The following TANK variants were observed in gnomAD, a reference collection of about 807,000 sequenced individuals.
TANK encodes the protein TRAF family member-associated NF-kappa-B activator.
Under a neutral mutation model 43.6 loss-of-function variants are expected in TANK, and 15 were observed. The observed-to-expected ratio is 0.34, with a 90% CI of 0.23 to 0.53. The LOEUF is 0.53. TANK is among the 20% of genes least tolerant of loss of function. TANK has a pLI of 0.94. For missense variants in TANK, 417 were observed against 498.6 expected, an observed-to-expected ratio of 0.84 and a Z score of 1.56; for synonymous variants, 162 against 178.2, an observed-to-expected ratio of 0.91 and a Z score of 0.73.
chr2:161,216,588 GCC>G, intron 4 of TANK: 1 of 162,896 alleles, frequency 6.1e-6, no homozygotes, highest in Non-Finnish European at 1.3e-5. Flanking sequence ...TTCTTTCTTG[GCC>G]AAAAAAAAAA....
intron 7 of TANK, among the ~76,000 whole-genome samples, chr2:161,234,002 T>A (rs1009419910): frequency 6.6e-5 from 10 of 152,184 alleles, no homozygotes; most frequent in African/African-American, 2.4e-4. Flanking sequence ...TAAATATTAC[T>A]ATTTTTGTAA....
At chr2:161,193,359 A>G (rs970400314) in intron 2 of TANK, among the ~76,000 whole-genome samples, 2 of 152,194 alleles carry the variant, frequency 1.3e-5, no homozygotes, top group South Asian at 4.1e-4. Flanking sequence ...TGGCCCCTGA[A>G]TTGGTTATTA....
intron 4 of TANK, chr2:161,207,928 G>C: frequency 1.0e-6 from 1 of 966,788 alleles, no homozygotes; most frequent in Non-Finnish European, 1.2e-6. Flanking sequence ...ATGGTCTTCT[G>C]CAAAACTAAC....
intron 4 of TANK, chr2:161,207,895 TATTCTATTTTTA>T: frequency 8.1e-6 from 8 of 984,048 alleles, no homozygotes; most frequent in Non-Finnish European, 7.2e-6. Context: ...GATTCTTTTT[TATTCTATTTTTA>T]ATATACTTTA....
chr2:161,157,354 G>C (rs1252119505), upstream of TANK, among the ~76,000 whole-genome samples: 2 of 152,188 alleles, frequency 1.3e-5, no homozygotes, highest in Non-Finnish European at 2.9e-5. Context: ...GGCTGAAGGA[G>C]GCAAGGCTTT....
intron 1 of TANK, among the ~76,000 whole-genome samples, chr2:161,151,045 G>T (rs1193757401): frequency 6.6e-6 from 1 of 152,090 alleles, no homozygotes; most frequent in Non-Finnish European, 1.5e-5. Flanking sequence ...TGACTCATTG[G>T]TTAAGAATGT....
intron 1 of TANK, among the ~76,000 whole-genome samples, chr2:161,151,800 G>A (rs73971169): frequency 0.068 from 10,324 of 151,920 alleles, 1,159 homozygotes; most frequent in African/African-American, 0.23. Context: ...AAGGTCTTAC[G>A]GCTGCCATTT....
rs75440642 is a variant in TANK, at chr2:161,218,644, C to T, written c.328-5271C>T. ...AGAAATTTGACTCCAGTCTGCTCAA[C>T]GTTGCAAGACCTCCATCTCAAAATA... On this transcript the variant is annotated intron_variant, in intron 4 of 7. Transcript: ENST00000392749. Among the ~76,000 whole-genome samples, 232 of 152,264 alleles carry T rather than the reference C, an allele frequency of 1.5e-3. 3 individuals carry two copies. In the East Asian group the frequency reaches 0.037, roughly 24 times the overall value.
chr2:161,188,763 T>C (rs1300888453), intron 2 of TANK, among the ~76,000 whole-genome samples: 1 of 152,204 alleles, frequency 6.6e-6, no homozygotes, highest in Non-Finnish European at 1.5e-5. Flanking sequence ...ATGGTTTGAA[T>C]GTTTGTCGCC....
chr2:161,181,355 AG>A (rs1685416116), intron 2 of TANK, among the ~76,000 whole-genome samples: 1 of 151,978 alleles, frequency 6.6e-6, no homozygotes, highest in Non-Finnish European at 1.5e-5. Flanking sequence ...AGGAGGCGGA[AG>A]TTGCAGTGAG....
At chr2:161,141,799 A>G (rs1023997695) in intron 1 of TANK, among the ~76,000 whole-genome samples, 1 of 152,316 alleles carries the variant, frequency 6.6e-6, no homozygotes, top group East Asian at 1.9e-4. Flanking sequence ...ATATGTGTGC[A>G]TGTGTCTTTA....
intron 2 of TANK, among the ~76,000 whole-genome samples, chr2:161,187,319 T>A (rs762267102): frequency 4.6e-5 from 7 of 152,082 alleles, no homozygotes; most frequent in Non-Finnish European, 1.0e-4. Flanking sequence ...TAGTCCCAGC[T>A]ACTCAGGAGA....
chr2:161,160,237 C>T, upstream of TANK: 2 of 275,812 alleles, frequency 7.3e-6, no homozygotes, highest in African/African-American at 6.0e-5. Context: ...TTCTAAGAGG[C>T]GGGGACTTGG....
chr2:161,228,247 T>C (rs1377309623), intron 6 of TANK, among the ~76,000 whole-genome samples: 1 of 152,190 alleles, frequency 6.6e-6, no homozygotes, highest in Non-Finnish European at 1.5e-5. Context: ...AAAGTTCATA[T>C]CAGCCCAGGC....
At chr2:161,191,584 A>T (rs1685915919) in intron 2 of TANK, among the ~76,000 whole-genome samples, 1 of 152,114 alleles carries the variant, frequency 6.6e-6, no homozygotes, top group Admixed American at 6.5e-5. Context: ...AAATGAAGTG[A>T]GAGAGATGAA....
intron 2 of TANK, among the ~76,000 whole-genome samples, chr2:161,199,782 G>A (rs1299115201): frequency 6.6e-6 from 1 of 152,192 alleles, no homozygotes; most frequent in African/African-American, 2.4e-5. Flanking sequence ...GGTGGCTCAT[G>A]CCTGTAATCC....
At chr2:161,200,618 G>T in intron 2 of TANK, 1 of 868,888 alleles carries the variant, frequency 1.2e-6, no homozygotes. Flanking sequence ...TTAAAAAAAA[G>T]AATCTTCAAA....
Position 161,204,786 on chromosome 2 carries a change from T to C in TANK, c.320T>C (p.Leu107Pro). The C allele has an allele frequency of 6.2e-7, 1 of 1,605,882 alleles. No individual in the cohort carries two copies. Residue 107 changes from leucine to proline, a missense_variant, in exon 4 of 8, where the codon CTA becomes CCA. Physicochemically the swap from Leu to Pro is moderately conservative, Grantham distance 98. Transcript: ENST00000392749. ...ATTTCAGGAATAGCAAGAGAAAAAC[T>C]ACCAAAGGTAGACATTGCTTCTGCA... ...KVISGIAREK[L>P]PKVRRQEVSS...
At position 161,211,576 on chromosome 2, in the gene TANK, A is replaced by G. The variant is rs545007818; in HGVS notation, c.327+6783A>G. ...CATATTTAGCTACTAAGTGATTTCT[A>G]TGGAAAAGCCAAATCTCATTTACAT... On this transcript the variant is annotated intron_variant, in intron 4 of 7. Transcript: ENST00000392749. Among the ~76,000 whole-genome samples the G allele has an allele frequency of 3.9e-5, 6 of 152,336 alleles. No individual in the cohort carries two copies. The East Asian group carries it at 7.7e-4, about 20-fold the overall frequency.
Sources: allele counts gnomAD v4.1 joint callset (sites outside exome capture counted in the v4.1 genomes callset), GRCh38; gene constraint gnomAD v4.1.1; transcripts MANE v1.5; gene names NCBI Gene and HGNC (gene_info 2026-07-23, HGNC 2026-07-21).